HK2: variants seen among roughly 807,000 people sequenced by gnomAD.
The protein encoded by HK2 is hexokinase-2.
In HK2, 42 loss-of-function variants were observed where a neutral mutation model predicts 92.9. The ratio of observed to expected loss-of-function variants is 0.45; its 90% CI spans 0.35 to 0.58. The LOEUF (loss-of-function observed/expected upper bound fraction) is 0.58. HK2 is among the 20% of genes least tolerant of loss of function. HK2 has a pLI of 0.00. For synonymous variants in HK2, 422 were observed against 468.0 expected (o/e 0.90, Z 1.27); for missense variants, 978 against 1,245.1 (o/e 0.79, Z 3.23).
chr2:74,835,425 A>AT (rs1688137826), intron 1 of HK2: 1 of 152,412 alleles, frequency 6.6e-6, no homozygotes, highest in Non-Finnish European at 1.5e-5. Flanking sequence ...GGATTACTTG[A>AT]GATTCTTGAG....
At chr2:74,890,385 A>C (rs541702018) in intron 17 of HK2, among the ~76,000 whole-genome samples, 61 of 152,342 alleles carry the variant, frequency 4.0e-4, no homozygotes, top group African/African-American at 1.4e-3. Context: ...GCGCCAGGAA[A>C]ATAGAAAATC....
At chr2:74,848,254 G>A (rs1048156348) in intron 1 of HK2, among the ~76,000 whole-genome samples, 16 of 152,122 alleles carry the variant, frequency 1.1e-4, no homozygotes, top group Admixed American at 9.8e-4. Context: ...ATCTCTCCAC[G>A]CATTCTAGAG....
At chr2:74,877,587 G>C (rs1215518881) in intron 8 of HK2, among the ~76,000 whole-genome samples, 1 of 152,158 alleles carries the variant, frequency 6.6e-6, no homozygotes, top group Admixed American at 6.5e-5. Flanking sequence ...CTGTTGCACT[G>C]GGTTTAAAGC....
intron 2 of HK2, among the ~76,000 whole-genome samples, chr2:74,862,845 G>A (rs1688862223): frequency 6.6e-6 from 1 of 152,186 alleles, no homozygotes; most frequent in Non-Finnish European, 1.5e-5. Context: ...GTGTTTTCCT[G>A]TGTTCTTGTT....
At chr2:74,872,219 C>A in intron 3 of HK2, 81 bp from the exon 4 acceptor site, 1 of 1,432,648 alleles carries the variant, frequency 7.0e-7, no homozygotes, top group Non-Finnish European at 9.8e-7. Flanking sequence ...CAGCTAGTTA[C>A]GTGCTGAGCC....
At chr2:74,869,961 C>T (rs190968335) in intron 3 of HK2, among the ~76,000 whole-genome samples, 21 of 151,688 alleles carry the variant, frequency 1.4e-4, no homozygotes, top group Middle Eastern at 6.8e-3. Context: ...GCTGGTGTGA[C>T]GGAGGAACTG....
chr2:74,874,377 G>A lies in HK2; in HGVS notation c.803G>A (p.Gly268Asp). Residue 268 changes from glycine to aspartate, a missense_variant, in exon 7 of 18, where the codon GGC becomes GAC. Transcript: ENST00000290573. The part of the protein sequence containing the change: ...NMEWGAFGDD[G>D]SLNDIRTEFD... ...GAGTGGGGGGCCTTCGGGGACGATGGCTCGCTCAACGACATTCGCACTGAG... is the reference window on the plus strand; with the variant it reads ...GAGTGGGGGGCCTTCGGGGACGATGACTCGCTCAACGACATTCGCACTGAG... 1 of 1,613,878 alleles carries A rather than the reference G, an allele frequency of 6.2e-7. No individual in the cohort carries two copies. The highest frequency in any genetic ancestry group is 8.5e-7 in the Non-Finnish European group (1 of 1,179,880).
At position 74,888,107 on chromosome 2, in the gene HK2, C is replaced by A. The variant is rs569272047; in HGVS notation, c.2375+49C>A. ...GCAGGGGGGCCATGTCCTTTTTTCT[C>A]ACTGGCAGACAAACTGAAGGATTTC... On this transcript the variant is annotated intron_variant, in intron 16 of 17. Coordinates refer to ENST00000290573, the MANE Select transcript of HK2 (RefSeq NM_000189.5). 7 of 1,586,008 alleles carry A rather than the reference C, an allele frequency of 4.4e-6. No homozygotes were observed. The African/African-American group carries it at 6.7e-5, about 15-fold the overall frequency.
intron 5 of HK2, 22 bp from the exon 6 acceptor site, chr2:74,873,822 G>GCCC (rs1294943496): frequency 1.9e-6 from 3 of 1,571,780 alleles, no homozygotes; most frequent in South Asian, 1.1e-5. Context: ...GAAGGTCAGA[G>GCCC]CCCTCCCATT....
rs1689658853 is a variant in HK2 at position 74,890,822 on chromosome 2, G to A, written c.2635G>A (p.Val879Met). The change falls in exon 18 of 18, where the codon GTG becomes ATG. Residue 879 changes from valine to methionine, a missense_variant. Val to Met is a conservative substitution (Grantham distance 21). Around this residue, in one of 3 missense-constraint regions of HK2, gnomAD observed 742 missense variants for 922.5 expected, o/e 0.80. Coordinates refer to ENST00000290573, the MANE Select transcript of HK2 (RefSeq NM_000189.5). Reference sequence around the variant, plus strand: ...CTTTGCCAAAGTCATGCATGAGACAGTGAAGGACCTGGCTCCGAAATGTGA... The same window carrying A: ...CTTTGCCAAAGTCATGCATGAGACAATGAAGGACCTGGCTCCGAAATGTGA... ...PHFAKVMHET[V>M]KDLAPKCDVS... 1 of 1,614,152 alleles carries A rather than the reference G, an allele frequency of 6.2e-7. No individual in the cohort carries two copies. Among genetic ancestry groups the A allele is most frequent in the Non-Finnish European group, 8.5e-7 (1 of 1,180,034 alleles).
chr2:74,877,190 G>A lies in HK2; in HGVS notation c.900G>A (p.Met300Ile), dbSNP rs749039453. The change falls in exon 8 of 18, where the codon ATG becomes ATA. Residue 300 changes from methionine (M) to isoleucine (I), a missense_variant. Around this residue, in one of 3 missense-constraint regions of HK2, gnomAD observed 742 missense variants for 922.5 expected, o/e 0.80. Coordinates refer to ENST00000290573, the MANE Select transcript of HK2 (RefSeq NM_000189.5). ...GGTTTGAGAAGATGATCAGTGGGAT[G>A]TACATGGGGGAGCTGGTGAGGCTTA... ...KQLFEKMISG[M>I]YMGELVRLIL... is the part of the protein sequence containing the mutation. 1 of 1,614,202 alleles carries A rather than the reference G, an allele frequency of 6.2e-7. No homozygotes were observed. The highest frequency in any genetic ancestry group is 8.5e-7 in the Non-Finnish European group (1 of 1,180,034).
chr2:74,882,224 G>T lies in HK2; in HGVS notation c.1824G>T (p.Gln608His), dbSNP rs1315956179. The T allele has an allele frequency of 1.2e-6, 2 of 1,613,990 alleles. No individual in the cohort carries two copies. The highest frequency in any genetic ancestry group is 2.7e-5 in the African/African-American group (2 of 74,936). ...LGFTFSFPCQ[Q>H]NSLDESILLK... ...TTACCTTCTCCTTCCCCTGCCAGCA[G>T]AACAGCCTGGACGAGGTAACAGCAC... Residue 608 changes from glutamine (Q) to histidine (H), a missense_variant, in exon 12 of 18, where the codon CAG (glutamine) becomes CAT (histidine). By Grantham distance (24) the Gln-to-His change is conservative. Coordinates refer to ENST00000290573, the MANE Select transcript of HK2 (RefSeq NM_000189.5).
intron 5 of HK2, 98 bp from the exon 6 acceptor site, chr2:74,873,746 A>G (rs769751627): frequency 1.2e-4 from 85 of 735,620 alleles, no homozygotes; most frequent in African/African-American, 3.3e-4. Context: ...AGAGAGAGAG[A>G]AGGAGGAGGA....
rs533793548 is a variant in HK2, at chr2:74,834,870, C to T, written c.63+227C>T. The stretch of plus-strand genomic sequence containing the variant: ...CCGAGGTCGCGCTCCGCCGGGCGCC[C>T]TCCCTCCCTGAGCTCCGGCACGCGC... On this transcript the variant is annotated intron_variant, in intron 1 of 17. Coordinates refer to ENST00000290573, the MANE Select transcript of HK2 (RefSeq NM_000189.5). The surrounding 1 kb of genome is among the most constrained non-coding windows in gnomAD (Gnocchi z 4.2). Among the ~76,000 whole-genome samples the T allele has an allele frequency of 1.3e-4, 20 of 152,344 alleles. No individual in the cohort carries two copies. In the South Asian group the frequency reaches 4.1e-3, roughly 32 times the overall value.
At chr2:74,843,389 G>C (rs1267786864) in intron 1 of HK2, among the ~76,000 whole-genome samples, 2 of 152,124 alleles carry the variant, frequency 1.3e-5, no homozygotes, top group Admixed American at 1.3e-4. Context: ...CCTTATCCAC[G>C]TCAGGAGTCA....
chr2:74,881,667 C>CA (rs1435470721), intron 10 of HK2, 44 bp from the exon 11 acceptor site: 2 of 1,607,992 alleles, frequency 1.2e-6, no homozygotes, highest in Non-Finnish European at 1.7e-6. Flanking sequence ...CCACATTCCC[C>CA]ATGTTCTGCC....
In HK2 at chr2:74,834,316, T is replaced by C. The variant is rs1164464514; in HGVS notation, c.-265T>C. ...TGATCCTGTGGCCGAAGTTAGCGCC[T>C]TGACGTGGGACAACCGGACACGTCG... On this transcript the variant is annotated 5_prime_UTR_variant, in exon 1 of 18. Coordinates refer to ENST00000290573, the MANE Select transcript of HK2 (RefSeq NM_000189.5). This position sits in a 1 kb window ranked among gnomAD's most constrained non-coding sequence, Gnocchi z 4.2. 3.6e-6 allele frequency: 2 copies of C among 552,222 alleles called. No individual in the cohort carries two copies. The highest frequency in any genetic ancestry group is 1.9e-5 in the African/African-American group (1 of 52,688). The allele number at this position is 552,222 out of a possible 1,614,324, so 34.2% of individuals were successfully genotyped here.
intron 13 of HK2, 106 bp from the exon 14 acceptor site, chr2:74,886,188 G>T: frequency 1.2e-6 from 1 of 853,756 alleles, no homozygotes; most frequent in East Asian, 2.6e-5. Flanking sequence ...GGTCAGCCAT[G>T]GTGTATGATA....
intron 7 of HK2, among the ~76,000 whole-genome samples, chr2:74,875,520 G>C (rs569209333): frequency 6.6e-6 from 1 of 152,126 alleles, no homozygotes; most frequent in South Asian, 2.1e-4. Flanking sequence ...TTAGAGACAG[G>C]GTTTCACCAT....
Sources: gnomAD v4.1 joint callset for allele counts (sites outside exome capture counted in the v4.1 genomes callset) on GRCh38, gnomAD v4.1.1 for gene constraint, gnomAD v4.1.1 regional missense constraint, Gnocchi (gnomAD v3.1) non-coding constraint, MANE v1.5 for transcripts, NCBI Gene and HGNC (gene_info 2026-07-23, HGNC 2026-07-21) for gene names.